NAF1: variants seen among roughly 807,000 people sequenced by gnomAD.
The protein encoded by NAF1 is nuclear assembly factor 1 ribonucleoprotein, also known as H/ACA ribonucleoprotein complex non-core subunit NAF1.
Under a neutral mutation model 40.6 loss-of-function variants are expected in NAF1, and 11 were observed. The observed-to-expected ratio is 0.27, with a 90% CI of 0.17 to 0.45. The LOEUF (loss-of-function observed/expected upper bound fraction) is 0.45. Among genes scored for constraint, NAF1 ranks in the 20% least tolerant of loss-of-function variants. NAF1 has a pLI of 1.00. For missense variants in NAF1, 607 were observed against 611.1 expected (o/e 0.99, Z 0.07); for synonymous variants, 260 against 228.5 (o/e 1.14, Z -1.24).
chr4:163,142,902 G>T (rs929703091), intron 4 of NAF1, among the ~76,000 whole-genome samples: 2 of 152,168 alleles, frequency 1.3e-5, no homozygotes, highest in Non-Finnish European at 2.9e-5. Flanking sequence ...TCCATAGGAG[G>T]CACCCATATC....
downstream of NAF1, among the ~76,000 whole-genome samples, chr4:163,109,817 C>T (rs1240171256): frequency 6.6e-6 from 1 of 152,212 alleles, no homozygotes; most frequent in Non-Finnish European, 1.5e-5. Flanking sequence ...TTACTGTCAT[C>T]TTCAGTGAGT....
chr4:163,123,186 T>C (rs1490860713), downstream of NAF1, among the ~76,000 whole-genome samples: 1 of 152,136 alleles, frequency 6.6e-6, no homozygotes, highest in Non-Finnish European at 1.5e-5. Flanking sequence ...ACACGGTGAG[T>C]GTGAGCAAGA....
intron 5 of NAF1, among the ~76,000 whole-genome samples, chr4:163,138,333 T>C (rs1731134302): frequency 2.0e-5 from 3 of 152,122 alleles, no homozygotes; most frequent in Non-Finnish European, 4.4e-5. Context: ...CTTAAATATA[T>C]CTCTGGTATT....
At chr4:163,117,977 T>C (rs1049214606) in intron 2 of NAF1, among the ~76,000 whole-genome samples, 3 of 152,154 alleles carry the variant, frequency 2.0e-5, no homozygotes, top group African/African-American at 7.2e-5. Flanking sequence ...AAATTAGAGG[T>C]GATAGGGTCC....
intron 2 of NAF1, among the ~76,000 whole-genome samples, chr4:163,121,144 G>A (rs368779215): frequency 6.6e-6 from 1 of 151,872 alleles, no homozygotes; most frequent in African/African-American, 2.4e-5. Flanking sequence ...GCCTGCCTCA[G>A]CCTCCCAAAG....
intron 2 of NAF1, among the ~76,000 whole-genome samples, chr4:163,152,058 C>A (rs1731731873): frequency 6.6e-6 from 1 of 152,102 alleles, no homozygotes; most frequent in Non-Finnish European, 1.5e-5. Context: ...ACATGGCTTT[C>A]ATTTTTCAGA....
At chr4:163,152,595 G>A (rs969188619) in intron 2 of NAF1, among the ~76,000 whole-genome samples, 1 of 152,196 alleles carries the variant, frequency 6.6e-6, no homozygotes, top group African/African-American at 2.4e-5. Flanking sequence ...CAAACTTTGG[G>A]GAAAACAGAC....
Position 163,166,439 on chromosome 4 carries a change from T to C in NAF1, c.289A>G (p.Thr97Ala). The C allele has an allele frequency of 3.1e-6, 5 of 1,606,416 alleles. No individual in the cohort carries two copies. In the South Asian group the frequency reaches 4.4e-5, roughly 14 times the overall value. ...AESPACGDCV[T>A]SPGAAEPARA... ...GCAGGCTCTGCGGCTCCTGGGGAGG[T>C]GACGCAGTCTCCGCAGGCCGGCGAT... is the stretch of plus-strand genomic sequence containing the variant. Residue 97 changes from threonine to alanine, a missense_variant, in exon 1 of 8, where the codon ACC becomes GCC. Thr to Ala is a moderately conservative substitution (Grantham distance 58). Around this residue, in one of 3 missense-constraint regions of NAF1, gnomAD observed 407 missense variants for 365.5 expected, o/e 1.11. Coordinates refer to ENST00000274054, the MANE Select transcript of NAF1 (RefSeq NM_138386.3).
At chr4:163,116,312 T>C (rs2110817965) in intron 2 of NAF1, among the ~76,000 whole-genome samples, 2 of 152,308 alleles carry the variant, frequency 1.3e-5, no homozygotes, top group South Asian at 4.1e-4. Flanking sequence ...TATTATGGAA[T>C]TTTGAGAAAA....
chr4:163,156,877 G>A (rs1732007793), intron 2 of NAF1: 1 of 152,030 alleles, frequency 6.6e-6, no homozygotes, highest in African/African-American at 2.4e-5. Flanking sequence ...TACATTATCT[G>A]CCATTAGAAA....
chr4:163,147,143 T>A (rs1422682188), intron 3 of NAF1, among the ~76,000 whole-genome samples: 1 of 152,182 alleles, frequency 6.6e-6, no homozygotes. Flanking sequence ...TAATTATTAT[T>A]TTTGAAAAGA....
intron 2 of NAF1, among the ~76,000 whole-genome samples, chr4:163,115,200 TTTTTTTATTTA>T (rs1203418317): frequency 1.1e-4 from 4 of 34,922 alleles, no homozygotes; most frequent in African/African-American, 2.5e-4. Flanking sequence ...AGGACAATAA[TTTTTTTATTTA>T]TTTTTTTTTT....
intron 3 of NAF1, 71 bp downstream of exon 3, chr4:163,148,270 C>A: frequency 2.2e-6 from 2 of 922,792 alleles, no homozygotes; most frequent in South Asian, 4.4e-5. Flanking sequence ...ATTTACTAGT[C>A]ATAAAAGTCA....
rs201172406 is a variant in NAF1 at position 163,115,199 on chromosome 4, A to ATTTTTTTTTTTTT, written c.115-4910_115-4909insAAAAAAAAAAAAA. ...ATACTATTGGCGATATAGGACAATA[A>ATTTTTTTTTTTTT]TTTTTTTATTTATTTTTTTTTTTTT... On this transcript the variant is annotated intron_variant, in intron 2 of 2. Transcript: ENST00000509434. 2.9e-5 allele frequency among the ~76,000 whole-genome samples: 3 copies of ATTTTTTTTTTTTT among 103,708 alleles called. 1 individual carries two copies. The highest frequency in any genetic ancestry group is 1.8e-5 in the Non-Finnish European group (1 of 54,224). 68.0% of individuals were successfully genotyped at this position (103,708 alleles called of 152,430 possible).
At chr4:163,112,926 T>C (rs964990255) in intron 2 of NAF1, among the ~76,000 whole-genome samples, 1 of 152,156 alleles carries the variant, frequency 6.6e-6, no homozygotes, top group Admixed American at 6.6e-5. Context: ...GGCTCCCTTT[T>C]AGGTTTGGTA....
downstream of NAF1, among the ~76,000 whole-genome samples, chr4:163,125,692 A>G (rs1730635853): frequency 6.6e-6 from 1 of 152,248 alleles, no homozygotes; most frequent in African/African-American, 2.4e-5. Context: ...TCTAGATAAG[A>G]TGGATGCACT....
intron 4 of NAF1, among the ~76,000 whole-genome samples, chr4:163,144,619 T>C (rs955413585): frequency 2.0e-5 from 3 of 152,256 alleles, no homozygotes; most frequent in African/African-American, 7.2e-5. Context: ...AATCAAGTAT[T>C]TTTTAAAAAC....
intron 4 of NAF1, 136 bp from the exon 5 acceptor site, chr4:163,140,519 T>G (rs1184994978): frequency 1.5e-6 from 1 of 657,420 alleles, no homozygotes; most frequent in Non-Finnish European, 2.5e-6. Flanking sequence ...ATAAAATAAT[T>G]TTTTAGTTAT....
intron 2 of NAF1, among the ~76,000 whole-genome samples, chr4:163,155,765 G>A (rs1051020888): frequency 1.3e-5 from 2 of 152,188 alleles, no homozygotes; most frequent in Non-Finnish European, 1.5e-5. Flanking sequence ...GCTTTTCCAC[G>A]TTTCAGGGAA....
Sources: gnomAD v4.1 joint callset for allele counts (sites outside exome capture counted in the v4.1 genomes callset) on GRCh38, gnomAD v4.1.1 for gene constraint, gnomAD v4.1.1 regional missense constraint, MANE v1.5 for transcripts, NCBI Gene and HGNC (gene_info 2026-07-23, HGNC 2026-07-21) for gene names.